The following ACSF2 variants were observed in gnomAD, a reference collection of about 807,000 sequenced individuals.
The protein encoded by ACSF2 is acyl-CoA synthetase family member 2.
ACSF2 carries 52 observed loss-of-function variants against 79.3 expected under a neutral mutation model. That is an observed-to-expected ratio of 0.66 (90% CI 0.53 to 0.83). ACSF2 has a LOEUF of 0.83. Among genes scored for constraint, ACSF2 ranks in the 40% least tolerant of loss-of-function variants. ACSF2 has a pLI of 0.00. For synonymous variants in ACSF2, 283 were observed against 312.6 expected, an observed-to-expected ratio of 0.91 and a Z score of 1.00; for missense variants, 661 against 803.3, an observed-to-expected ratio of 0.82 and a Z score of 2.14.
At chr17:50,444,735 C>T (rs1379253582) in intron 1 of ACSF2, among the ~76,000 whole-genome samples, 4 of 151,964 alleles carry the variant, frequency 2.6e-5, no homozygotes, top group South Asian at 2.1e-4. Context: ...TTGCTTATCT[C>T]GTGGGGAACA....
At chr17:50,443,295 C>G (rs376351388) in intron 1 of ACSF2, among the ~76,000 whole-genome samples, 5 of 152,140 alleles carry the variant, frequency 3.3e-5, no homozygotes, top group Non-Finnish European at 7.4e-5. Context: ...AACAGCTTCT[C>G]CCCTTAGATT....
chr17:50,451,240 A>G (rs1567847889), intron 1 of ACSF2, among the ~76,000 whole-genome samples: 1 of 152,108 alleles, frequency 6.6e-6, no homozygotes, highest in Non-Finnish European at 1.5e-5. Flanking sequence ...GCCTGGCCCA[A>G]GTTTTTGTTT....
At chr17:50,436,904 TA>T (rs1302871409) in intron 1 of ACSF2, among the ~76,000 whole-genome samples, 1 of 152,242 alleles carries the variant, frequency 6.6e-6, no homozygotes. Context: ...GTAACTAGTA[TA>T]AATATATCAC....
chr17:50,465,005 C>T (rs552576005), intron 10 of ACSF2: 115 of 435,000 alleles, frequency 2.6e-4, no homozygotes, highest in African/African-American at 1.6e-3. Flanking sequence ...GTAGTCTCTC[C>T]GGTGGAAGGC....
chr17:50,467,577 C>T lies in ACSF2; in HGVS notation c.1215+3283C>T, dbSNP rs79558609. Among the ~76,000 whole-genome samples, 770 of 152,298 alleles carry T rather than the reference C, an allele frequency of 5.1e-3. 6 individuals carry two copies. The highest frequency in any genetic ancestry group is 0.018 in the African/African-American group (733 of 41,546). Reference sequence around the variant, plus strand: ...CTCCCCCTTAGCACACATGCACAGCCCCCACCAGGAACAGGGTCTCTTTGT... The same window carrying T: ...CTCCCCCTTAGCACACATGCACAGCTCCCACCAGGAACAGGGTCTCTTTGT... On this transcript the variant is annotated intron_variant, in intron 10 of 15. Transcript: ENST00000300441.
At chr17:50,432,044 C>T (rs1191542638) in intron 1 of ACSF2, among the ~76,000 whole-genome samples, 1 of 152,076 alleles carries the variant, frequency 6.6e-6, no homozygotes, top group Non-Finnish European at 1.5e-5. Flanking sequence ...GGACTACAGG[C>T]CTGCGTCACT....
intron 10 of ACSF2, chr17:50,465,870 A>T: frequency 5.6e-6 from 9 of 1,613,602 alleles, no homozygotes; most frequent in Non-Finnish European, 7.6e-6. Flanking sequence ...CCATCTGAGA[A>T]CTGGGGAGCA....
At chr17:50,451,917 T>TTGGTCATTCATC (rs2031702900) in intron 1 of ACSF2, among the ~76,000 whole-genome samples, 1 of 152,216 alleles carries the variant, frequency 6.6e-6, no homozygotes. Flanking sequence ...ATTCATTCAT[T>TTGGTCATTCATC]TGGTCATTCA....
At chr17:50,447,749 A>G (rs1407065711) in intron 1 of ACSF2, among the ~76,000 whole-genome samples, 7 of 152,152 alleles carry the variant, frequency 4.6e-5, no homozygotes, top group African/African-American at 1.4e-4. Flanking sequence ...TTAGAATCCA[A>G]TTATTAAAGT....
intron 1 of ACSF2, 131 bp from the exon 2 acceptor site, chr17:50,460,546 A>T: frequency 2.6e-6 from 2 of 780,150 alleles, no homozygotes; most frequent in Non-Finnish European, 4.1e-6. Context: ...TTACAAGAAG[A>T]TCTGGAGGAA....
intron 1 of ACSF2, among the ~76,000 whole-genome samples, chr17:50,444,636 AACACACACACAC>A (rs72392656): frequency 1.6e-4 from 23 of 147,970 alleles, no homozygotes; most frequent in Non-Finnish European, 2.8e-4. Context: ...TCTCTCTGCA[AACACACACACAC>A]ACACACACAC....
At chr17:50,440,803 C>T (rs1393614442) in intron 1 of ACSF2, among the ~76,000 whole-genome samples, 3 of 152,344 alleles carry the variant, frequency 2.0e-5, no homozygotes, top group South Asian at 4.1e-4. Flanking sequence ...GGTGGCTGCA[C>T]AGGTAGGGTG....
chr17:50,473,228 A>G (rs2033198700), intron 12 of ACSF2: 1 of 172,302 alleles, frequency 5.8e-6, no homozygotes, highest in South Asian at 1.5e-4. Flanking sequence ...ACTGCACTCA[A>G]GACTGGGCGA....
intron 1 of ACSF2, among the ~76,000 whole-genome samples, chr17:50,436,738 CTTT>C (rs79314993): frequency 2.3e-5 from 3 of 132,320 alleles, no homozygotes; most frequent in Non-Finnish European, 3.3e-5. Context: ...CCAGGCAGTT[CTTT>C]TTTTTTTTTT....
intron 1 of ACSF2, 62 bp downstream of exon 1, chr17:50,426,451 T>C: frequency 7.9e-7 from 1 of 1,267,224 alleles, no homozygotes; most frequent in Non-Finnish European, 1.0e-6. Context: ...AACTTGGAGG[T>C]CCCGGCGAGC....
intron 1 of ACSF2, among the ~76,000 whole-genome samples, chr17:50,457,754 T>C (rs185267162): frequency 9.2e-5 from 14 of 152,326 alleles, no homozygotes; most frequent in Admixed American, 2.6e-4. Flanking sequence ...CAGTGTCTTA[T>C]CCATCCCTGT....
intron 10 of ACSF2, among the ~76,000 whole-genome samples, chr17:50,466,248 G>A (rs930783195): frequency 6.3e-5 from 9 of 143,164 alleles, no homozygotes; most frequent in African/African-American, 7.4e-5. Context: ...CACCATGCCC[G>A]GCTAATTTTT....
intron 10 of ACSF2, chr17:50,464,769 T>TTGGG: frequency 6.1e-6 from 1 of 164,260 alleles, no homozygotes; most frequent in African/African-American, 4.4e-5. Flanking sequence ...CTGATTGACT[T>TTGGG]GGGGGGGGGG....
intron 4 of ACSF2, 22 bp from the exon 5 acceptor site, chr17:50,462,162 G>T (rs1208986256): frequency 1.9e-6 from 3 of 1,608,770 alleles, no homozygotes; most frequent in Non-Finnish European, 2.6e-6. Context: ...CTGACTGGAG[G>T]TGGGGGACTC....
Sources: allele counts gnomAD v4.1 joint callset (sites outside exome capture counted in the v4.1 genomes callset), GRCh38; gene constraint gnomAD v4.1.1; transcripts MANE v1.5; gene names NCBI Gene and HGNC (gene_info 2026-07-23, HGNC 2026-07-21).